PCGF3: variants seen among roughly 807,000 people sequenced by gnomAD.
The protein encoded by PCGF3 is polycomb group ring finger 3.
Under a neutral mutation model 33.1 loss-of-function variants are expected in PCGF3, and 7 were observed. The observed-to-expected ratio is 0.21, with a 90% confidence interval of 0.12 to 0.40. The LOEUF is 0.40. Among genes scored for constraint, PCGF3 ranks in the 10% least tolerant of loss-of-function variants. The pLI is 1.00. For missense variants in PCGF3, 211 were observed against 313.3 expected (o/e 0.67, Z 2.46); for synonymous variants, 153 against 121.3 (o/e 1.26, Z -1.72).
At chr4:711,944 T>C (rs923365288) in intron 1 of PCGF3, among the ~76,000 whole-genome samples, 1 of 136,642 alleles carries the variant, frequency 7.3e-6, no homozygotes, top group East Asian at 2.2e-4. Context: ...AGAGTGAGAC[T>C]CTGTCTGAAA....
intron 9 of PCGF3, among the ~76,000 whole-genome samples, chr4:763,597 C>T (rs552206070): frequency 1.1e-4 from 17 of 152,300 alleles, no homozygotes; most frequent in Admixed American, 9.8e-4. Context: ...ACGCCGGGAG[C>T]GCAGGTTCAT....
intron 3 of PCGF3, chr4:732,364 C>CT (rs1049310787): frequency 3.2e-5 from 5 of 157,032 alleles, no homozygotes; most frequent in African/African-American, 1.2e-4. Context: ...CCCCTCCCCT[C>CT]CCTTCTCCTT....
In PCGF3 at chr4:720,677, G is replaced by A. The variant is rs1743040024; in HGVS notation, c.-189-9953G>A. On this transcript the variant is annotated intron_variant, in intron 1 of 10. Coordinates refer to ENST00000362003, the Ensembl canonical transcript of PCGF3. This position sits in a 1 kb window ranked among gnomAD's most constrained non-coding sequence, Gnocchi z 5.6. Reference sequence around the variant, plus strand: ...GGGCGGTGACGTGCGTGTGGACCCGGGGTGGACGGGCGGTGACGTGCGTGT... The same window carrying A: ...GGGCGGTGACGTGCGTGTGGACCCGAGGTGGACGGGCGGTGACGTGCGTGT... 6.6e-6 allele frequency among the ~76,000 whole-genome samples: 1 copy of A among 150,780 alleles called. No individual in the cohort carries two copies. Among genetic ancestry groups the A allele is most frequent in the Admixed American group, 6.6e-5 (1 of 15,156 alleles).
intron 8 of PCGF3, among the ~76,000 whole-genome samples, chr4:760,748 G>T (rs956043615): frequency 6.6e-6 from 1 of 152,246 alleles, no homozygotes; most frequent in Middle Eastern, 3.2e-3. Flanking sequence ...GCACCGGGCA[G>T]GGAGCCCGTG....
rs1190570113 is a variant in PCGF3 at position 715,474 on chromosome 4, G to A, written c.-190+9504G>A. On this transcript the variant is annotated intron_variant, in intron 1 of 10. Coordinates refer to ENST00000362003, the Ensembl canonical transcript of PCGF3. ...GACACTGTGAGTGTGAGAACTGGGC[G>A]TCTGTGCTGGGACCCTATAGACACT... is the stretch of plus-strand genomic sequence containing the variant. Among the ~76,000 whole-genome samples, 12 of 145,550 alleles carry A rather than the reference G, an allele frequency of 8.2e-5. 1 individual carries two copies. The highest frequency in any genetic ancestry group is 1.7e-4 in the Non-Finnish European group (11 of 66,242).
intron 1 of PCGF3, among the ~76,000 whole-genome samples, chr4:715,785 G>A (rs369272195): frequency 1.1e-3 from 65 of 60,644 alleles, no homozygotes; most frequent in Non-Finnish European, 1.1e-3. Flanking sequence ...CTGGGTGTCG[G>A]TGCTGGGACC....
chr4:756,375 G>A (rs940415037), intron 8 of PCGF3, among the ~76,000 whole-genome samples: 2 of 151,554 alleles, frequency 1.3e-5, no homozygotes, highest in Admixed American at 6.6e-5. Context: ...ACCATGCCCA[G>A]CTAATTTTTG....
In PCGF3 at chr4:713,052, G is replaced by T. The variant is rs1160021478; in HGVS notation, c.-190+7082G>T. 8.1e-5 allele frequency among the ~76,000 whole-genome samples: 12 copies of T among 148,360 alleles called. 2 individuals are homozygous for T. The highest frequency in any genetic ancestry group is 6.7e-5 in the Admixed American group (1 of 15,014). ...GTGGGGCCTGTGGGCCCTGTGGGGG[G>T]CTGTGTACCTCCTGGGGGCTGTGGC... On this transcript the variant is annotated intron_variant, in intron 1 of 10. Coordinates refer to ENST00000362003, the Ensembl canonical transcript of PCGF3.
At chr4:737,203 C>T (rs1020536197) in intron 5 of PCGF3, among the ~76,000 whole-genome samples, 1 of 152,148 alleles carries the variant, frequency 6.6e-6, no homozygotes, top group Non-Finnish European at 1.5e-5. Flanking sequence ...GGGTGTCCGG[C>T]AGACAGAAGC....
rs201756728 is a variant in PCGF3, at chr4:737,534, C to T, written c.262+13C>T. 1 of 1,566,278 alleles carries T rather than the reference C, an allele frequency of 6.4e-7. No individual in the cohort carries two copies. The highest frequency in any genetic ancestry group is 1.7e-5 in the Admixed American group (1 of 59,934). The stretch of plus-strand genomic sequence containing the variant: ...GGCCTCCAAGAAGGTGAGTGTCTGA[C>T]TGTCTTGCTGATCCCTGAGGTCCCA... On this transcript the variant is annotated intron_variant, in intron 6 of 10. Transcript: ENST00000362003.
chr4:763,872 C>T (rs1252490869), intron 9 of PCGF3, among the ~76,000 whole-genome samples: 1 of 152,202 alleles, frequency 6.6e-6, no homozygotes, highest in Non-Finnish European at 1.5e-5. Context: ...TTATCCAGTA[C>T]TGAAAAGAAA....
chr4:767,099 T>C (rs538565306), exon 11 of PCGF3: 1 of 152,378 alleles, frequency 6.6e-6, no homozygotes, highest in East Asian at 1.9e-4. Context: ...TGGGAGGAGC[T>C]CGTGTGCTCC....
Position 741,643 on chromosome 4 carries a change from A to C in PCGF3, c.263-1831A>C, listed in dbSNP as rs537824557. Among the ~76,000 whole-genome samples, 3 of 152,188 alleles carry C rather than the reference A, an allele frequency of 2.0e-5. No individual in the cohort carries two copies. The East Asian group carries it at 5.8e-4, about 29-fold the overall frequency. On this transcript the variant is annotated intron_variant, in intron 6 of 10. Coordinates refer to ENST00000362003, the Ensembl canonical transcript of PCGF3. The stretch of plus-strand genomic sequence containing the variant: ...AGGCTGGTCTCGAACTCCTGACCTC[A>C]TGATCCGCCCGCCTCAGCCTCCCAC...
At chr4:713,064 C>G (rs1742642067) in intron 1 of PCGF3, among the ~76,000 whole-genome samples, 1 of 141,556 alleles carries the variant, frequency 7.1e-6, no homozygotes. Flanking sequence ...TGTGTACCTC[C>G]TGGGGGCTGT....
rs147952979 is a variant in PCGF3, at chr4:708,640, G to A, written c.-190+2670G>A. On this transcript the variant is annotated intron_variant, in intron 1 of 10. Transcript: ENST00000362003. ...CACCCTCCCACTCAGCCCCTCGTCC[G>A]GGGCTGCTGTCCTGTCCTTGCCTTG... 4.9e-3 allele frequency among the ~76,000 whole-genome samples: 748 copies of A among 152,304 alleles called. 9 individuals are homozygous for A. Among genetic ancestry groups the A allele is most frequent in the African/African-American group, 0.017 (692 of 41,558 alleles).
chr4:707,603 G>A lies in PCGF3; in HGVS notation c.-190+1633G>A, dbSNP rs796411568. On this transcript the variant is annotated intron_variant, in intron 1 of 10. Coordinates refer to ENST00000362003, the Ensembl canonical transcript of PCGF3. ...TTTTCCCCTGGGGGTCGGGACTCTGGGACAGCTCTGTTTTCCCCTGGGGGT... is the reference window on the plus strand; with the variant it reads ...TTTTCCCCTGGGGGTCGGGACTCTGAGACAGCTCTGTTTTCCCCTGGGGGT... 2.0e-4 allele frequency among the ~76,000 whole-genome samples: 20 copies of A among 100,822 alleles called. 1 individual carries two copies. Among genetic ancestry groups the A allele is most frequent in the East Asian group, 3.2e-4 (1 of 3,078 alleles). The allele number at this position is 100,822 out of a possible 152,430, so 66.1% of individuals were successfully genotyped here. A position where few individuals can be genotyped will look rare whatever the true frequency, so the allele number is the denominator to read the frequency against.
intron 3 of PCGF3, 47 bp from the exon 4 acceptor site, chr4:733,625 G>A: frequency 2.6e-6 from 4 of 1,555,338 alleles, no homozygotes; most frequent in Non-Finnish European, 3.5e-6. Flanking sequence ...AAGGATGAAA[G>A]GCATGGAAGA....
chr4:712,439 TTG>T (rs1195480567), intron 1 of PCGF3, among the ~76,000 whole-genome samples: 2 of 151,982 alleles, frequency 1.3e-5, no homozygotes, highest in Non-Finnish European at 2.9e-5. Flanking sequence ...TTGTTTGTTT[TTG>T]TTTTTTGTTT....
intron 1 of PCGF3, 78 bp from the exon 2 acceptor site, chr4:730,552 C>T (rs1743511144): frequency 6.5e-6 from 1 of 154,246 alleles, no homozygotes; most frequent in South Asian, 2.1e-4. Flanking sequence ...GTAACCGAGC[C>T]AGGCTTGGCA....
Sources: gnomAD v4.1 joint callset for allele counts (sites outside exome capture counted in the v4.1 genomes callset) on GRCh38, gnomAD v4.1.1 for gene constraint, Gnocchi (gnomAD v3.1) non-coding constraint, MANE v1.5 for transcripts, NCBI Gene and HGNC (gene_info 2026-07-23, HGNC 2026-07-21) for gene names.